Variants in GSE1 observed in about 807,000 individuals in gnomAD.
The protein encoded by GSE1 is genetic suppressor element 1.
A neutral mutation model predicts 112.6 loss-of-function variants in GSE1; 32 were observed. The observed-to-expected ratio is 0.28, with a 90% CI of 0.21 to 0.38. The LOEUF is 0.38. Among genes scored for constraint, GSE1 ranks in the 10% least tolerant of loss-of-function variants. The pLI is 1.00. For missense variants in GSE1, 2,348 were observed against 1,699.2 expected, an observed-to-expected ratio of 1.38 and a Z score of -6.71; for synonymous variants, 1,115 against 735.6, an observed-to-expected ratio of 1.52 and a Z score of -8.35.
At chr16:85,590,672 G>T (rs1389269222) in intron 1 of GSE1, among the ~76,000 whole-genome samples, 1 of 152,218 alleles carries the variant, frequency 6.6e-6, no homozygotes, top group Non-Finnish European at 1.5e-5. Context: ...TGTGTGATAT[G>T]TGAATGTGTT....
At chr16:85,618,114 C>A (rs1352139040) in intron 1 of GSE1, among the ~76,000 whole-genome samples, 1 of 152,118 alleles carries the variant, frequency 6.6e-6, no homozygotes, top group African/African-American at 2.4e-5. Context: ...GCCAGGCCTT[C>A]CAATTCTGGA....
At chr16:85,553,396 C>T (rs1442652010), upstream of GSE1, among the ~76,000 whole-genome samples, 1 of 151,584 alleles carries the variant, frequency 6.6e-6, no homozygotes, top group Non-Finnish European at 1.5e-5. Context: ...GGGCCTGGCG[C>T]GACCTCCAGG....
At chr16:85,294,501 C>G (rs1337809672) in intron 1 of GSE1, among the ~76,000 whole-genome samples, 1 of 152,140 alleles carries the variant, frequency 6.6e-6, no homozygotes, top group Non-Finnish European at 1.5e-5. Flanking sequence ...GCTGCCCAGG[C>G]TGTTCTTTTG....
At chr16:85,576,460 C>T (rs1246007204) in intron 1 of GSE1, among the ~76,000 whole-genome samples, 7 of 152,150 alleles carry the variant, frequency 4.6e-5, no homozygotes, top group Non-Finnish European at 1.0e-4. Flanking sequence ...GGAGCCTAGA[C>T]GTCCTTATTG....
chr16:85,597,721 T>G (rs962239202), intron 1 of GSE1, among the ~76,000 whole-genome samples: 1 of 152,228 alleles, frequency 6.6e-6, no homozygotes, highest in Non-Finnish European at 1.5e-5. Context: ...TCTGCCTGCC[T>G]TGGCCTCCCA....
intron 1 of GSE1, among the ~76,000 whole-genome samples, chr16:85,220,295 G>A (rs1485407631): frequency 6.6e-6 from 1 of 152,222 alleles, no homozygotes; most frequent in Admixed American, 6.5e-5. Context: ...CGGGGGTCTG[G>A]TTTCCCTGCT....
intron 1 of GSE1, among the ~76,000 whole-genome samples, chr16:85,290,271 C>T (rs772234835): frequency 3.9e-5 from 6 of 152,224 alleles, no homozygotes; most frequent in Non-Finnish European, 8.8e-5. Context: ...TCAGCAGACC[C>T]GGGCCCCTGC....
At position 85,270,680 on chromosome 16, in the gene GSE1, C is replaced by T. The variant is rs542716443; in HGVS notation, c.2284-86783C>T. Among the ~76,000 whole-genome samples the T allele has an allele frequency of 9.7e-5, 13 of 134,580 alleles. 3 individuals are homozygous for T. The highest frequency in any genetic ancestry group is 1.4e-4 in the Non-Finnish European group (8 of 56,224). The allele number at this position is 134,580 out of a possible 152,430, so 88.3% of individuals were successfully genotyped here. ...CGTGCGGCCTTGAAGGAAACACACACGAGAGGGAGGAAAAATCCATTTAAT... is the reference window on the plus strand; with the variant it reads ...CGTGCGGCCTTGAAGGAAACACACATGAGAGGGAGGAAAAATCCATTTAAT... On this transcript the variant is annotated intron_variant, in intron 1 of 2. Transcript: ENST00000637419.
chr16:85,509,332 G>A (rs969041183), intron 2 of GSE1, among the ~76,000 whole-genome samples: 6 of 152,206 alleles, frequency 3.9e-5, no homozygotes, highest in African/African-American at 1.2e-4. Flanking sequence ...GTCTTCAGAG[G>A]CTGCCTGAGT....
intron 1 of GSE1, among the ~76,000 whole-genome samples, chr16:85,332,266 C>G (rs1415668792): frequency 6.6e-6 from 1 of 152,208 alleles, no homozygotes; most frequent in African/African-American, 2.4e-5. Context: ...GCCACCAACC[C>G]CTGGGTCTGT....
At chr16:85,193,071 T>C (rs1317595139) in intron 1 of GSE1, among the ~76,000 whole-genome samples, 2 of 152,122 alleles carry the variant, frequency 1.3e-5, no homozygotes, top group Admixed American at 6.5e-5. Context: ...TGGGAGACCA[T>C]AGGGAGCCCT....
At chr16:85,357,923 C>T (rs1597476757) in intron 2 of GSE1, among the ~76,000 whole-genome samples, 1 of 152,162 alleles carries the variant, frequency 6.6e-6, no homozygotes, top group Non-Finnish European at 1.5e-5. Flanking sequence ...TACCTATACA[C>T]TCTCTTGTCT....
chr16:85,485,992 C>G (rs951118626), intron 2 of GSE1, among the ~76,000 whole-genome samples: 1 of 152,206 alleles, frequency 6.6e-6, no homozygotes, highest in African/African-American at 2.4e-5. Context: ...TGTTCTGGCC[C>G]AGAAGCCTGC....
chr16:85,459,970 T>C (rs2049928050), intron 2 of GSE1, among the ~76,000 whole-genome samples: 1 of 152,156 alleles, frequency 6.6e-6, no homozygotes, highest in South Asian at 2.1e-4. Context: ...TCTCAAAGCA[T>C]TTCTGCCAGA....
intron 2 of GSE1, among the ~76,000 whole-genome samples, chr16:85,647,807 G>T (rs6539973): frequency 0.67 from 101,142 of 151,598 alleles, 34,373 homozygotes; most frequent in Middle Eastern, 0.8. Context: ...GGATGGTCTC[G>T]AACTCCTGAC....
chr16:85,393,551 G>T (rs933882117), intron 2 of GSE1, among the ~76,000 whole-genome samples: 2 of 152,220 alleles, frequency 1.3e-5, no homozygotes, highest in Non-Finnish European at 2.9e-5. Flanking sequence ...GGAAGCAGCT[G>T]GGAGGGTGTT....
intron 2 of GSE1, among the ~76,000 whole-genome samples, chr16:85,478,524 CAAAA>C (rs112620422): frequency 8.8e-6 from 1 of 113,448 alleles, no homozygotes; most frequent in Non-Finnish European, 2.0e-5. Context: ...GAAACTGTCT[CAAAA>C]AAAAAAAAAA....
intron 1 of GSE1, among the ~76,000 whole-genome samples, chr16:85,298,307 CAAG>C (rs1352088297): frequency 6.6e-6 from 1 of 152,160 alleles, no homozygotes; most frequent in African/African-American, 2.4e-5. Context: ...TTGACATATC[CAAG>C]AAGAAGCGCT....
intron 14 of GSE1, among the ~76,000 whole-genome samples, chr16:85,670,361 C>T (rs755077312): frequency 6.6e-6 from 1 of 152,152 alleles, no homozygotes; most frequent in Non-Finnish European, 1.5e-5. Context: ...TTCCCATTTC[C>T]GGAGTTTTTC....
Sources: gnomAD v4.1 joint callset for allele counts (sites outside exome capture counted in the v4.1 genomes callset) on GRCh38, gnomAD v4.1.1 for gene constraint, MANE v1.5 for transcripts, NCBI Gene and HGNC (gene_info 2026-07-23, HGNC 2026-07-21) for gene names.